The following IL17B variants were observed in gnomAD, a reference collection of about 807,000 sequenced individuals.
IL17B encodes the protein interleukin 17B, also known as interleukin-17B.
IL17B carries 14 observed loss-of-function variants against 14.7 expected under a neutral mutation model. That is an observed-to-expected ratio of 0.95 (90% CI 0.63 to 1.49). IL17B has a LOEUF of 1.49. Ranked by LOEUF, IL17B falls within the 40% of genes most tolerant of loss-of-function variation. The probability of loss-of-function intolerance (pLI) is 0.00; values close to 1 mark genes in which losing one functional copy is unlikely to be tolerated. For synonymous variants in IL17B, 105 were observed against 94.8 expected, an observed-to-expected ratio of 1.11 and a Z score of -0.62; for missense variants, 233 against 252.8, an observed-to-expected ratio of 0.92 and a Z score of 0.53.
In IL17B at chr5:149,374,881, G is replaced by A. The variant is rs945428721; in HGVS notation, c.312-281C>T. ...GATGCCCATCCCAGTACTAGGTTGC[G>A]CTGTGGGGATTGTGGAGTAGCCCTC... On this transcript the variant is annotated intron_variant, in intron 2 of 2. Transcript: ENST00000261796. This position sits in a 1 kb window ranked among gnomAD's most constrained non-coding sequence, Gnocchi z 5.0. 5 of 376,704 alleles carry A rather than the reference G, an allele frequency of 1.3e-5. No homozygotes were observed. Among genetic ancestry groups the A allele is most frequent in the Non-Finnish European group, 2.4e-5 (5 of 204,938 alleles). The allele number at this position is 376,704 out of a possible 1,614,324, so 23.3% of individuals were successfully genotyped here. A position where few individuals can be genotyped will look rare whatever the true frequency, so the allele number is the denominator to read the frequency against.
At chr5:149,380,977 G>A (rs1260918361), upstream of IL17B, among the ~76,000 whole-genome samples, 2 of 152,204 alleles carry the variant, frequency 1.3e-5, no homozygotes, top group Non-Finnish European at 2.9e-5. Flanking sequence ...CAAGGGCCCC[G>A]CCCCCACCGC....
At chr5:149,396,464 T>A (rs1050734607) in intron 1 of IL17B, among the ~76,000 whole-genome samples, 1 of 152,232 alleles carries the variant, frequency 6.6e-6, no homozygotes, top group African/African-American at 2.4e-5. Context: ...TCAAACCTCT[T>A]ATTGAGAATA....
intron 1 of IL17B, among the ~76,000 whole-genome samples, chr5:149,399,300 G>A (rs76391126): frequency 0.036 from 5,498 of 152,282 alleles, 146 homozygotes; most frequent in Non-Finnish European, 0.052. Context: ...CACACAGCAA[G>A]TTAGTGGCAC....
chr5:149,403,050 TTTTG>T (rs1301768847), intron 1 of IL17B, among the ~76,000 whole-genome samples: 2 of 136,656 alleles, frequency 1.5e-5, no homozygotes, highest in East Asian at 2.0e-4. Flanking sequence ...GTAGACAGTT[TTTTG>T]TTTGTTTTGT....
chr5:149,374,519 G>C lies in IL17B; in HGVS notation c.393C>G (p.Thr131=). The stretch of plus-strand genomic sequence containing the variant: ...TCACCATGCTGCGGTCCTCCTGCAT[G>C]GTGAAGGGGTTCACACAGCCCAGAC... The part of the protein sequence containing the change: ...CLCLGCVNPF[T]MQEDRSMVSV... Residue 131 remains threonine (T), a synonymous_variant, in exon 3 of 3, where the codon ACC becomes ACG. Coordinates refer to ENST00000261796, the MANE Select transcript of IL17B (RefSeq NM_014443.3). This position sits in a 1 kb window ranked among gnomAD's most constrained non-coding sequence, Gnocchi z 5.0. 1 of 1,613,310 alleles carries C rather than the reference G, an allele frequency of 6.2e-7. No homozygotes were observed. Among genetic ancestry groups the C allele is most frequent in the Non-Finnish European group, 8.5e-7 (1 of 1,180,002 alleles).
chr5:149,376,798 CTT>C lies in IL17B; in HGVS notation c.247_248del (p.Lys83ValfsTer2). ...LRNSSELAQRKCEVNLQLWMS... is the reference protein window; with the variant it reads ...LRNSSELAQRXCEVNLQLWMS... ...TCCACAGCTGCAAGTTGACCTCACA[CTT>C]TCTCTGGGCCAGCTCTGAGCTGTTC... On this transcript the variant is annotated frameshift_variant, in exon 2 of 3. Transcript: ENST00000261796. LOFTEE classifies it high-confidence loss of function. The C allele has an allele frequency of 6.2e-7, 1 of 1,614,004 alleles. No individual in the cohort carries two copies.
At chr5:149,377,334 T>C (rs1758572367) in intron 1 of IL17B, among the ~76,000 whole-genome samples, 1 of 152,226 alleles carries the variant, frequency 6.6e-6, no homozygotes. Context: ...TCGTGTCAGC[T>C]TTAGCATCGC....
upstream of IL17B, among the ~76,000 whole-genome samples, chr5:149,381,317 G>A (rs1471034053): frequency 6.6e-6 from 1 of 152,370 alleles, no homozygotes; most frequent in East Asian, 1.9e-4. Flanking sequence ...TGCTGAAGTA[G>A]CAGCGCAAAA....
At chr5:149,381,797 G>A (rs948653746), upstream of IL17B, among the ~76,000 whole-genome samples, 8 of 152,250 alleles carry the variant, frequency 5.3e-5, no homozygotes, top group Non-Finnish European at 8.8e-5. Flanking sequence ...GATGTCCTGA[G>A]TGTGAACCCA....
intron 1 of IL17B, among the ~76,000 whole-genome samples, chr5:149,388,006 G>A (rs1047232466): frequency 6.6e-6 from 1 of 152,152 alleles, no homozygotes; most frequent in East Asian, 1.9e-4. Context: ...ATGAGCACTG[G>A]AACCAGCAGC....
At chr5:149,387,525 T>C (rs770711910) in intron 1 of IL17B, among the ~76,000 whole-genome samples, 8 of 152,132 alleles carry the variant, frequency 5.3e-5, no homozygotes, top group Non-Finnish European at 1.2e-4. Context: ...TTTCAACACT[T>C]TGAGAGGCCG....
At chr5:149,403,002 C>CAAAA (rs36121550) in intron 1 of IL17B, among the ~76,000 whole-genome samples, 2 of 60,580 alleles carry the variant, frequency 3.3e-5, no homozygotes, top group Non-Finnish European at 6.0e-5. Flanking sequence ...GACTCCATCT[C>CAAAA]AAAAAAAAAA....
intron 1 of IL17B, among the ~76,000 whole-genome samples, chr5:149,399,555 C>T (rs550425177): frequency 1.3e-5 from 2 of 152,020 alleles, no homozygotes; most frequent in Admixed American, 6.6e-5. Context: ...CCTTGTGGAA[C>T]AAATTTACGA....
chr5:149,399,419 T>C (rs552762466), intron 1 of IL17B, among the ~76,000 whole-genome samples: 2 of 152,254 alleles, frequency 1.3e-5, no homozygotes, highest in Admixed American at 1.3e-4. Flanking sequence ...TTGCACACAA[T>C]ACTCTGGACA....
chr5:149,385,115 T>C (rs1758797114), intron 1 of IL17B, among the ~76,000 whole-genome samples: 1 of 150,366 alleles, frequency 6.7e-6, no homozygotes, highest in African/African-American at 2.4e-5. Flanking sequence ...GGTTTCACCA[T>C]GTTGGACAGG....
intron 1 of IL17B, among the ~76,000 whole-genome samples, chr5:149,378,815 C>T (rs1398489978): frequency 1.3e-5 from 2 of 152,200 alleles, no homozygotes; most frequent in East Asian, 3.8e-4. Flanking sequence ...CTCGGAGAAA[C>T]GTAGAATAGA....
In IL17B at chr5:149,376,093, A is replaced by C. The variant is rs185326105; in HGVS notation, c.311+643T>G. Among the ~76,000 whole-genome samples, 91 of 152,326 alleles carry C rather than the reference A, an allele frequency of 6.0e-4. 1 individual carries two copies. In the South Asian group the frequency reaches 9.5e-3, roughly 16 times the overall value. ...GTTTGTGAGTGAGGACCTCAGGGTCAGCCCTTTCCTTCATCTTTGGTCCTT... is the reference window on the plus strand; with the variant it reads ...GTTTGTGAGTGAGGACCTCAGGGTCCGCCCTTTCCTTCATCTTTGGTCCTT... On this transcript the variant is annotated intron_variant, in intron 2 of 2. Coordinates refer to ENST00000261796, the MANE Select transcript of IL17B (RefSeq NM_014443.3).
chr5:149,390,857 ATAACT>A (rs1474533293), intron 1 of IL17B, among the ~76,000 whole-genome samples: 1 of 151,978 alleles, frequency 6.6e-6, no homozygotes, highest in Non-Finnish European at 1.5e-5. Context: ...ATTTTTAAAA[ATAACT>A]TTAAATTAAA....
chr5:149,380,394 G>T (rs1019924656), upstream of IL17B, among the ~76,000 whole-genome samples: 1 of 151,684 alleles, frequency 6.6e-6, no homozygotes, highest in African/African-American at 2.4e-5. Context: ...AACATTAGTT[G>T]TTCTAATTAG....
Sources: allele counts gnomAD v4.1 joint callset (sites outside exome capture counted in the v4.1 genomes callset), GRCh38; gene constraint gnomAD v4.1.1; non-coding constraint Gnocchi (gnomAD v3.1); transcripts MANE v1.5; gene names NCBI Gene and HGNC (gene_info 2026-07-23, HGNC 2026-07-21).